The following XKR9 variants were observed in gnomAD, a reference collection of about 807,000 sequenced individuals.
The protein encoded by XKR9 is XK-related protein 9.
A neutral mutation model predicts 32.0 loss-of-function variants in XKR9; 32 were observed. That is an observed-to-expected ratio of 1.00 (90% CI 0.76 to 1.34). XKR9 has a LOEUF of 1.34. XKR9 is among the 40% of genes most tolerant of loss of function. The probability of loss-of-function intolerance (pLI) is 0.00; values close to 1 mark genes in which losing one functional copy is unlikely to be tolerated. For missense variants in XKR9, 546 were observed against 429.7 expected, an observed-to-expected ratio of 1.27 and a Z score of -2.39; for synonymous variants, 168 against 143.4, an observed-to-expected ratio of 1.17 and a Z score of -1.22.
chr8:70,681,445 C>G, intron 3 of XKR9, 115 bp downstream of exon 3: 1 of 1,276,724 alleles, frequency 7.8e-7, no homozygotes, highest in Non-Finnish European at 1.1e-6. Flanking sequence ...GCATGAAGCA[C>G]AAAGGTTACT....
the XKR9 span, among the ~76,000 whole-genome samples, chr8:70,805,282 G>A: frequency 6.6e-6 from 1 of 152,192 alleles, no homozygotes; most frequent in Non-Finnish European, 1.5e-5. Flanking sequence ...CCCATGAATC[G>A]AAAGATCACA....
chr8:70,882,491 A>G, the XKR9 span, among the ~76,000 whole-genome samples: 1 of 151,872 alleles, frequency 6.6e-6, no homozygotes, highest in Middle Eastern at 3.4e-3. Context: ...CCTTGTAAAA[A>G]TTGTTTATTT....
downstream of XKR9, among the ~76,000 whole-genome samples, chr8:70,793,532 C>T (rs1807791868): frequency 6.6e-6 from 1 of 152,074 alleles, no homozygotes; most frequent in Admixed American, 6.6e-5. Flanking sequence ...GATGTGGTCC[C>T]TTGACCTTGG....
chr8:70,714,924 A>T (rs1324053972), intron 4 of XKR9, among the ~76,000 whole-genome samples: 2 of 152,218 alleles, frequency 1.3e-5, no homozygotes, highest in African/African-American at 4.8e-5. Context: ...TAACAAAGGC[A>T]TAGTTTGACA....
chr8:70,711,068 A>G (rs948041143), intron 4 of XKR9, among the ~76,000 whole-genome samples: 1 of 152,168 alleles, frequency 6.6e-6, no homozygotes, highest in Non-Finnish European at 1.5e-5. Flanking sequence ...CAAAACCACA[A>G]TGAGATACCC....
chr8:70,819,272 C>T, the XKR9 span, among the ~76,000 whole-genome samples: 1 of 152,190 alleles, frequency 6.6e-6, no homozygotes, highest in Admixed American at 6.5e-5. Flanking sequence ...CCACCTTGAG[C>T]TTTAAAGTTT....
chr8:70,944,320 TTCTAGAGAACAAA>T, the XKR9 span, among the ~76,000 whole-genome samples: 2 of 152,194 alleles, frequency 1.3e-5, no homozygotes, highest in African/African-American at 4.8e-5. Flanking sequence ...CATCAGGTTG[TTCTAGAGAACAAA>T]TGATTTTGCC....
At chr8:70,773,465 A>G (rs531936858) in intron 2 of XKR9, among the ~76,000 whole-genome samples, 2 of 152,178 alleles carry the variant, frequency 1.3e-5, no homozygotes, top group African/African-American at 4.8e-5. Flanking sequence ...CTAAGCTTTT[A>G]ACAAGCTCCA....
At chr8:70,820,746 T>A in the XKR9 span, among the ~76,000 whole-genome samples, 2 of 152,136 alleles carry the variant, frequency 1.3e-5, no homozygotes, top group African/African-American at 4.8e-5. Context: ...AAGAGCCCCA[T>A]ATAAAACCAT....
intron 4 of XKR9, among the ~76,000 whole-genome samples, chr8:70,728,453 A>G (rs534427212): frequency 6.6e-6 from 1 of 152,312 alleles, no homozygotes; most frequent in East Asian, 1.9e-4. Flanking sequence ...TAAAGGCGTT[A>G]GTATTGTCAT....
intron 3 of XKR9, among the ~76,000 whole-genome samples, chr8:70,687,347 T>TTTCTTTCTTTC (rs1819328031): frequency 6.7e-6 from 1 of 149,350 alleles, no homozygotes; most frequent in Non-Finnish European, 1.5e-5. Flanking sequence ...TCTTTCTTTC[T>TTTCTTTCTTTC]TTCTTTCTTT....
the XKR9 span, among the ~76,000 whole-genome samples, chr8:71,054,449 T>A: frequency 1.3e-5 from 2 of 152,202 alleles, no homozygotes; most frequent in Non-Finnish European, 2.9e-5. Context: ...TCTGATAACA[T>A]CTCTGCTCTG....
chr8:70,751,378 C>T (rs1014783163), intron 2 of XKR9, among the ~76,000 whole-genome samples: 1 of 152,170 alleles, frequency 6.6e-6, no homozygotes, highest in African/African-American at 2.4e-5. Context: ...ATCTACCTGA[C>T]TCAGCCTCCC....
chr8:70,873,935 C>T, the XKR9 span, among the ~76,000 whole-genome samples: 2 of 152,210 alleles, frequency 1.3e-5, no homozygotes, highest in African/African-American at 2.4e-5. Context: ...ATTGCCACAT[C>T]ATCCCAATCT....
At chr8:71,054,168 A>G in the XKR9 span, among the ~76,000 whole-genome samples, 5 of 152,260 alleles carry the variant, frequency 3.3e-5, no homozygotes, top group Admixed American at 1.3e-4. Context: ...GCTTTAAGCC[A>G]GTAAATATCA....
the XKR9 span, among the ~76,000 whole-genome samples, chr8:71,019,752 C>T: frequency 6.6e-6 from 1 of 152,056 alleles, no homozygotes; most frequent in Non-Finnish European, 1.5e-5. Flanking sequence ...AATTTGTGGA[C>T]GGATGTTATC....
rs10099218 is a variant in XKR9 at position 70,742,601 on chromosome 8, T to A, written n.352+35448T>A. ...GGTTTGTTAGTGATGATTTCTTTTT[T>A]AATTTTTTTTAAATCTGAACATATC... On this transcript the variant is annotated intron_variant and non_coding_transcript_variant, in intron 2 of 3. Coordinates refer to the XKR9 transcript ENST00000520273. Among the ~76,000 whole-genome samples the A allele has an allele frequency of 3.1e-3, 474 of 152,314 alleles. 4 individuals carry two copies. Among genetic ancestry groups the A allele is most frequent in the African/African-American group, 0.011 (443 of 41,592 alleles).
intron 2 of XKR9, among the ~76,000 whole-genome samples, chr8:70,746,892 T>C (rs1036428195): frequency 1.3e-5 from 2 of 152,106 alleles, no homozygotes; most frequent in African/African-American, 2.4e-5. Flanking sequence ...ACACGATGGG[T>C]AAATTTTCAA....
the XKR9 span, among the ~76,000 whole-genome samples, chr8:71,050,773 C>G: frequency 3.9e-5 from 6 of 152,046 alleles, no homozygotes; most frequent in Non-Finnish European, 7.4e-5. Flanking sequence ...CTGCACTTAG[C>G]CCGAATTTGT....
Sources: gnomAD v4.1 joint callset for allele counts (sites outside exome capture counted in the v4.1 genomes callset) on GRCh38, gnomAD v4.1.1 for gene constraint, MANE v1.5 for transcripts, NCBI Gene and HGNC (gene_info 2026-07-23, HGNC 2026-07-21) for gene names.